Variants in USF3 observed in about 807,000 individuals in gnomAD.
The protein encoded by USF3 is basic helix-loop-helix domain-containing protein USF3.
A neutral mutation model predicts 157.5 loss-of-function variants in USF3; 29 were observed. The ratio of observed to expected loss-of-function variants is 0.18; its 90% CI spans 0.14 to 0.25. The LOEUF is 0.25. USF3 is among the 10% of genes least tolerant of loss of function. USF3 has a pLI of 1.00. For missense variants in USF3, 2,381 were observed against 2,667.6 expected (o/e 0.89, Z 2.37); for synonymous variants, 893 against 941.4 (o/e 0.95, Z 0.94).
At chr3:113,663,868 A>C (rs1947524104) in intron 6 of USF3, among the ~76,000 whole-genome samples, 1 of 152,256 alleles carries the variant, frequency 6.6e-6, no homozygotes, top group South Asian at 2.1e-4. Flanking sequence ...CATTACAAGA[A>C]GTATAAACAA....
Position 113,658,094 on chromosome 3 carries a change from A to G in USF3, c.3588T>C (p.Phe1196=). 6.2e-7 allele frequency: 1 copy of G among 1,614,184 alleles called. No individual in the cohort carries two copies. Among genetic ancestry groups the G allele is most frequent in the Non-Finnish European group, 8.5e-7 (1 of 1,180,026 alleles). ...TTGCTTCAATTGAACCCTGAGAATT[A>G]AATTCATTTGGTGTTGCTTCTGCCT... ...TGQAEATPNE[F]NSQGSIEATM... Residue 1196 remains phenylalanine, a synonymous_variant, in exon 7 of 7, where the codon TTT becomes TTC. Transcript: ENST00000316407.
intron 1 of USF3, among the ~76,000 whole-genome samples, chr3:113,683,602 G>A (rs987332695): frequency 6.6e-5 from 10 of 150,894 alleles, no homozygotes; most frequent in East Asian, 2.0e-4. Context: ...CCAAGTAGCC[G>A]GGACTACAGG....
rs772649977 is a variant in USF3 at position 113,660,760 on chromosome 3, A to C, written c.922T>G (p.Ser308Ala). ...PCVTNIPHSS[S>A]ATATKVHHGN... The stretch of plus-strand genomic sequence containing the variant: ...TGGTGCACTTTAGTGGCAGTTGCTG[A>C]GGAGCTGTGGGGGATGTTTGTAACA... Residue 308 changes from serine to alanine, a missense_variant, in exon 7 of 7, where the codon TCA (serine) becomes GCA (alanine). This residue lies in a region of USF3 where 1,435 missense variants were observed against 1,550.9 expected (regional missense o/e 0.93). Coordinates refer to ENST00000316407, the MANE Select transcript of USF3 (RefSeq NM_001009899.4). 6.2e-7 allele frequency: 1 copy of C among 1,614,098 alleles called. No individual in the cohort carries two copies. The highest frequency in any genetic ancestry group is 2.2e-5 in the East Asian group (1 of 44,886).
rs186698447 is a variant in USF3, at chr3:113,649,855, G to T, written c.*5089C>A. The T allele has an allele frequency of 4.4e-5, 31 of 702,828 alleles. No homozygotes were observed. Among genetic ancestry groups the T allele is most frequent in the Admixed American group, 3.0e-4 (15 of 50,012 alleles). 43.5% of individuals were successfully genotyped at this position (702,828 alleles called of 1,614,324 possible). A position where few individuals can be genotyped will look rare whatever the true frequency, so the allele number is the denominator to read the frequency against. On this transcript the variant is annotated 3_prime_UTR_variant, in exon 7 of 7. Transcript: ENST00000316407. Reference sequence around the variant, plus strand: ...TCCACAGGTTCTAGTAGAAACCTACGCATGAAGAATAGAATGCAGACAGAA... The same window carrying T: ...TCCACAGGTTCTAGTAGAAACCTACTCATGAAGAATAGAATGCAGACAGAA...
chr3:113,658,927 C>G lies in USF3; in HGVS notation c.2755G>C (p.Glu919Gln). The G allele has an allele frequency of 1.9e-6, 3 of 1,614,182 alleles. No individual in the cohort carries two copies. Residue 919 changes from glutamate (E) to glutamine (Q), a missense_variant, in exon 7 of 7, where the codon GAG becomes CAG. By Grantham distance (29) the Glu-to-Gln change is conservative. Around this residue, in one of 6 missense-constraint regions of USF3, gnomAD observed 1,435 missense variants for 1,550.9 expected, o/e 0.93. Transcript: ENST00000316407. ...SKDSTPNLQQ[E>Q]TSQDKPPSSL... is the part of the protein sequence containing the mutation. ...CTTGGTGGTTTATCCTGAGATGTCT[C>G]TTGTTGTAGATTAGGGGTAGAATCT...
chr3:113,684,742 AT>A lies in USF3; in HGVS notation c.-134-7346del, dbSNP rs914823022. Among the ~76,000 whole-genome samples, 8 of 152,038 alleles carry A rather than the reference AT, an allele frequency of 5.3e-5. 1 individual carries two copies. The South Asian group carries it at 1.5e-3, about 28-fold the overall frequency. ...ATTAAATTTATCGATAGGATTCTGA[AT>A]TTTTTCTCTGTGTTATCTTGGATTT... On this transcript the variant is annotated intron_variant, in intron 1 of 6. Coordinates refer to ENST00000316407, the MANE Select transcript of USF3 (RefSeq NM_001009899.4).
Position 113,656,320 on chromosome 3 carries a change from G to A in USF3, c.5362C>T (p.Arg1788Cys), listed in dbSNP as rs199667564. Residue 1788 changes from arginine (R) to cysteine (C), a missense_variant, in exon 7 of 7, where the codon CGT (arginine) becomes TGT (cysteine). Transcript: ENST00000316407. ...GGTGGGTAAGATAATCTCTTTTGACGGTCAATTGGTGGGGGGCCAGTGTTT... is the reference window on the plus strand; with the variant it reads ...GGTGGGTAAGATAATCTCTTTTGACAGTCAATTGGTGGGGGGCCAGTGTTT... ...SQNTGPPPID[R>C]QKRLSYPPVQ... The A allele has an allele frequency of 2.7e-4, 437 of 1,613,968 alleles. 1 individual carries two copies. Among genetic ancestry groups the A allele is most frequent in the Admixed American group, 5.3e-4 (32 of 59,996 alleles).
intron 1 of USF3, among the ~76,000 whole-genome samples, chr3:113,681,732 T>TC (rs907978803): frequency 6.6e-6 from 1 of 151,272 alleles, no homozygotes; most frequent in African/African-American, 2.4e-5. Context: ...AAATTTTTTT[T>TC]TTTTTGAGAT....
At chr3:113,693,316 T>C (rs557841435) in intron 1 of USF3, among the ~76,000 whole-genome samples, 2 of 152,320 alleles carry the variant, frequency 1.3e-5, no homozygotes, top group East Asian at 1.9e-4. Context: ...CTGGAGTTGC[T>C]CAACATGGAG....
intron 1 of USF3, among the ~76,000 whole-genome samples, chr3:113,695,866 G>A (rs894174887): frequency 6.6e-6 from 1 of 152,304 alleles, no homozygotes; most frequent in East Asian, 1.9e-4. Flanking sequence ...CTTCTAAAAA[G>A]AAAACACAAG....
chr3:113,682,586 T>TG (rs1399307161), intron 1 of USF3, among the ~76,000 whole-genome samples: 1 of 152,222 alleles, frequency 6.6e-6, no homozygotes, highest in Non-Finnish European at 1.5e-5. Context: ...ATTATTGTAT[T>TG]GGGGTCTATC....
At position 113,673,954 on chromosome 3, in the gene USF3, C is replaced by T. The variant is rs541238350; in HGVS notation, c.48-578G>A. The stretch of plus-strand genomic sequence containing the variant: ...CAATCTACTAAAAGCATTGACTTTC[C>T]TTTTTATACACAATTACTCAAAACA... On this transcript the variant is annotated intron_variant, in intron 3 of 6. Coordinates refer to ENST00000316407, the MANE Select transcript of USF3 (RefSeq NM_001009899.4). 3.3e-5 allele frequency among the ~76,000 whole-genome samples: 5 copies of T among 152,218 alleles called. 1 individual carries two copies. Among genetic ancestry groups the T allele is most frequent in the Admixed American group, 2.6e-4 (4 of 15,294 alleles).
Position 113,685,986 on chromosome 3 carries a change from C to A in USF3, c.-134-8589G>T, listed in dbSNP as rs13078623. Among the ~76,000 whole-genome samples, 120 of 152,262 alleles carry A rather than the reference C, an allele frequency of 7.9e-4. 1 individual carries two copies. Among genetic ancestry groups the A allele is most frequent in the Admixed American group, 1.4e-3 (21 of 15,292 alleles). The stretch of plus-strand genomic sequence containing the variant: ...TGGAGGAGTGGTGATGCAAGCACTC[C>A]TTTGGCCACCCCAGCTAGTATTTCA... On this transcript the variant is annotated intron_variant, in intron 1 of 6. Transcript: ENST00000316407.
At chr3:113,674,795 G>C (rs1156922103) in intron 3 of USF3, 37 bp downstream of exon 3, 1 of 1,575,538 alleles carries the variant, frequency 6.3e-7, no homozygotes, top group Admixed American at 1.7e-5. Context: ...CTTCTTATCT[G>C]CCCAAAGCAT....
At chr3:113,685,794 G>A (rs1440733503) in intron 1 of USF3, among the ~76,000 whole-genome samples, 1 of 152,192 alleles carries the variant, frequency 6.6e-6, no homozygotes, top group East Asian at 1.9e-4. Context: ...CTTTAGGGCA[G>A]TGGGTTCCCT....
intron 1 of USF3, among the ~76,000 whole-genome samples, chr3:113,692,344 C>T (rs1210658164): frequency 6.6e-6 from 1 of 152,114 alleles, no homozygotes; most frequent in African/African-American, 2.4e-5. Context: ...TACTCCATTA[C>T]TGAGTGCTAA....
chr3:113,671,821 T>G (rs2107939856), intron 4 of USF3, among the ~76,000 whole-genome samples: 1 of 143,814 alleles, frequency 7.0e-6, no homozygotes, highest in South Asian at 2.2e-4. Flanking sequence ...CAGGCTGGAG[T>G]GCAGTGGCAC....
At chr3:113,687,937 T>C (rs949593431) in intron 1 of USF3, among the ~76,000 whole-genome samples, 2 of 152,224 alleles carry the variant, frequency 1.3e-5, no homozygotes, top group Non-Finnish European at 2.9e-5. Flanking sequence ...ATGTAAAATA[T>C]TATTATAATC....
chr3:113,655,398 G>A lies in USF3; in HGVS notation c.6284C>T (p.Thr2095Ile). The change falls in exon 7 of 7, where the codon ACT (threonine) becomes ATT (isoleucine). Residue 2095 changes from threonine to isoleucine, a missense_variant. Thr to Ile is a moderately conservative substitution (Grantham distance 89). Coordinates refer to ENST00000316407, the MANE Select transcript of USF3 (RefSeq NM_001009899.4). ...CGGATCTACCGGGATGAGGGCTGGAGTTCGAGTGGCACTAGGCTGAGTAAC... is the reference window on the plus strand; with the variant it reads ...CGGATCTACCGGGATGAGGGCTGGAATTCGAGTGGCACTAGGCTGAGTAAC... ...PQVTQPSATR[T>I]PALIPVDPQN... 1 of 1,614,150 alleles carries A rather than the reference G, an allele frequency of 6.2e-7. No homozygotes were observed. Among genetic ancestry groups the A allele is most frequent in the Non-Finnish European group, 8.5e-7 (1 of 1,180,030 alleles).
Sources: allele counts gnomAD v4.1 joint callset (sites outside exome capture counted in the v4.1 genomes callset), GRCh38; gene constraint gnomAD v4.1.1; regional missense constraint gnomAD v4.1.1; transcripts MANE v1.5; gene names NCBI Gene and HGNC (gene_info 2026-07-23, HGNC 2026-07-21).